Variants in MLYCD observed in about 807,000 individuals in gnomAD.
MLYCD encodes the protein malonyl-CoA decarboxylase.
MLYCD carries 27 observed loss-of-function variants against 35.8 expected under a neutral mutation model. That is an observed-to-expected ratio of 0.75 (90% CI 0.56 to 1.04). The LOEUF (loss-of-function observed/expected upper bound fraction) is 1.04, where lower values mean the gene tolerates loss of function less well. Ranked by LOEUF, MLYCD falls within the 50% of genes least tolerant of loss-of-function variation. The probability of loss-of-function intolerance (pLI) is 0.00; values close to 1 mark genes in which losing one functional copy is unlikely to be tolerated. For missense variants in MLYCD, 917 were observed against 665.1 expected (o/e 1.38, Z -4.17); for synonymous variants, 403 against 302.4 (o/e 1.33, Z -3.45).
chr16:83,916,310 G>A lies in MLYCD; in HGVS notation c.*821G>A. Reference sequence around the variant, plus strand: ...GTGTTGGATGAGAACAAAGGTGAAGGAAGGGGCAGTCATTGTGCTTGTGGG... The same window carrying A: ...GTGTTGGATGAGAACAAAGGTGAAGAAAGGGGCAGTCATTGTGCTTGTGGG... On this transcript the variant is annotated 3_prime_UTR_variant, in exon 5 of 5. Transcript: ENST00000262430. 2 of 506,272 alleles carry A rather than the reference G, an allele frequency of 4.0e-6. No individual in the cohort carries two copies. The highest frequency in any genetic ancestry group is 5.1e-6 in the Non-Finnish European group (2 of 390,556). The allele number at this position is 506,272 out of a possible 1,614,324, so 31.4% of individuals were successfully genotyped here. A position where few individuals can be genotyped will look rare whatever the true frequency, so the allele number is the denominator to read the frequency against.
chr16:83,903,978 A>T (rs1364714892), intron 1 of MLYCD, among the ~76,000 whole-genome samples: 2 of 152,180 alleles, frequency 1.3e-5, no homozygotes, highest in South Asian at 4.1e-4. Context: ...TCCCAGCCTG[A>T]ACAGCTGCTG....
intron 3 of MLYCD, among the ~76,000 whole-genome samples, chr16:83,911,010 C>T (rs1009404350): frequency 1.3e-5 from 2 of 152,162 alleles, no homozygotes; most frequent in Non-Finnish European, 2.9e-5. Context: ...CGGAGTCTCG[C>T]TCTGTGCCCA....
rs544993421 is a variant in MLYCD, at chr16:83,900,977, TATTAGA to T, written c.528+1307_528+1312del. Among the ~76,000 whole-genome samples the T allele has an allele frequency of 7.9e-4, 121 of 152,336 alleles. 2 individuals are homozygous for T. The highest frequency in any genetic ancestry group is 3.4e-3 in the Middle Eastern group (1 of 294). ...ACTGTCTTACCGTTAATCAGATGTT[TATTAGA>T]AACTTTCTTTTTTGGCTACTTAGAT... On this transcript the variant is annotated intron_variant, in intron 1 of 4. Transcript: ENST00000262430.
Position 83,914,650 on chromosome 16 carries a change from G to A in MLYCD, c.949-306G>A, listed in dbSNP as rs141716370. 3,273 of 424,822 alleles carry A rather than the reference G, an allele frequency of 7.7e-3. 22 individuals carry two copies. Among genetic ancestry groups the A allele is most frequent in the Middle Eastern group, 0.011 (15 of 1,394 alleles). The allele number at this position is 424,822 out of a possible 1,614,324, so 26.3% of individuals were successfully genotyped here. ...TATTTCCTGCTGGGTGTGGCGGCGC[G>A]AGCCTGTGGTCCCAGCTACTCAGCA... is the stretch of plus-strand genomic sequence containing the variant. On this transcript the variant is annotated intron_variant, in intron 4 of 4. Transcript: ENST00000262430.
In MLYCD at chr16:83,902,131, A is replaced by ATATGTG. The variant is rs1555537754; in HGVS notation, c.528+2460_528+2461insATGTGT. ...TATACACATATATATGTATGTGTAT[A>ATATGTG]TGTGTGTGTGTGTGTGTGCGTGCGT... is the stretch of plus-strand genomic sequence containing the variant. On this transcript the variant is annotated intron_variant, in intron 1 of 4. Coordinates refer to ENST00000262430, the MANE Select transcript of MLYCD (RefSeq NM_012213.3). Among the ~76,000 whole-genome samples, 57 of 126,656 alleles carry ATATGTG rather than the reference A, an allele frequency of 4.5e-4. 2 individuals are homozygous for ATATGTG. Among genetic ancestry groups the ATATGTG allele is most frequent in the African/African-American group, 1.3e-3 (44 of 33,424 alleles). The allele number at this position is 126,656 out of a possible 152,430, so 83.1% of individuals were successfully genotyped here. A position where few individuals can be genotyped will look rare whatever the true frequency, so the allele number is the denominator to read the frequency against.
intron 2 of MLYCD, among the ~76,000 whole-genome samples, chr16:83,907,393 C>G (rs1907018205): frequency 6.6e-6 from 1 of 152,126 alleles, no homozygotes; most frequent in African/African-American, 2.4e-5. Context: ...TTCGCTCGTC[C>G]CAAGACCCCG....
chr16:83,900,213 C>G (rs754622305), intron 1 of MLYCD, among the ~76,000 whole-genome samples: 4 of 152,126 alleles, frequency 2.6e-5, no homozygotes, highest in Non-Finnish European at 5.9e-5. Flanking sequence ...TGTCTGTGCT[C>G]CATGACTTTT....
chr16:83,915,646 C>T lies in MLYCD; in HGVS notation c.*157C>T. On this transcript the variant is annotated 3_prime_UTR_variant, in exon 5 of 5. Coordinates refer to ENST00000262430, the MANE Select transcript of MLYCD (RefSeq NM_012213.3). ...TCCACACTGTGAGGCCAGGCCTCAA[C>T]TTCCCTCACCCTGGGCGTGACATGC... 6.6e-7 allele frequency: 1 copy of T among 1,512,108 alleles called. No homozygotes were observed. The highest frequency in any genetic ancestry group is 8.8e-7 in the Non-Finnish European group (1 of 1,133,802). The allele number at this position is 1,512,108 out of a possible 1,614,324, so 93.7% of individuals were successfully genotyped here. A position where few individuals can be genotyped will look rare whatever the true frequency, so the allele number is the denominator to read the frequency against.
At position 83,922,504 on chromosome 16, in the gene MLYCD, C is replaced by G. The variant is rs1288206510; in HGVS notation, c.*7015C>G. The G allele has an allele frequency of 6.6e-6, 1 of 152,258 alleles. No individual in the cohort carries two copies. The highest frequency in any genetic ancestry group is 2.4e-5 in the African/African-American group (1 of 41,454). 9.4% of individuals were successfully genotyped at this position (152,258 alleles called of 1,614,324 possible). A position where few individuals can be genotyped will look rare whatever the true frequency, so the allele number is the denominator to read the frequency against. ...GAGGCACCATGGAGGGAGCTGTAGA[C>G]TTTGGCTCCGGCCAGTGCCCAGTTC... On this transcript the variant is annotated 3_prime_UTR_variant, in exon 5 of 5. Coordinates refer to ENST00000262430, the MANE Select transcript of MLYCD (RefSeq NM_012213.3).
In MLYCD at chr16:83,922,441, C is replaced by T. The variant is rs190856995; in HGVS notation, c.*6952C>T. 6.6e-6 allele frequency: 1 copy of T among 152,320 alleles called. No homozygotes were observed. Among genetic ancestry groups the T allele is most frequent in the African/African-American group, 2.4e-5 (1 of 41,442 alleles). 9.4% of individuals were successfully genotyped at this position (152,320 alleles called of 1,614,324 possible). ...TGGAGTTGGGGTGCACCTGCTCTCA[C>T]CTGTTCATGGGCTCCTTTTTCTTCT... is the stretch of plus-strand genomic sequence containing the variant. On this transcript the variant is annotated 3_prime_UTR_variant, in exon 5 of 5. Transcript: ENST00000262430.
In MLYCD at chr16:83,906,986, G is replaced by T; in HGVS notation, c.529-1G>T. On this transcript the variant is annotated splice_acceptor_variant, in intron 1 of 4. Coordinates refer to ENST00000262430, the MANE Select transcript of MLYCD (RefSeq NM_012213.3). LOFTEE classifies it high-confidence loss of function. ...CCTGGGATTTATCTTCTCCTTTTCA[G>T]GAAATGAATGGGGTGCTGAAAGGAA... The T allele has an allele frequency of 6.2e-7, 1 of 1,613,630 alleles. No homozygotes were observed. The highest frequency in any genetic ancestry group is 8.5e-7 in the Non-Finnish European group (1 of 1,179,604).
rs752955481 is a variant in MLYCD, at chr16:83,915,352, G to A, written c.1345G>A (p.Gly449Ser). 102 of 1,613,620 alleles carry A rather than the reference G, an allele frequency of 6.3e-5. No individual in the cohort carries two copies. Among genetic ancestry groups the A allele is most frequent in the Admixed American group, 1.0e-4 (6 of 60,010 alleles). The change falls in exon 5 of 5, where the codon GGC becomes AGC. Residue 449 changes from glycine (G) to serine (S), a missense_variant. Physicochemically the swap from Gly to Ser is moderately conservative, Grantham distance 56 (BLOSUM62 0). Transcript: ENST00000262430. ...CCTCAGAGGCATCACCGGCTCCTGC[G>A]GCCTGATGGCCAACTACCGCTACTT... ...VSLRGITGSC[G>S]LMANYRYFLE...
chr16:83,920,099 A>AGTT lies in MLYCD; in HGVS notation c.*4610_*4611insGTT, dbSNP rs1907602242. The AGTT allele has an allele frequency of 1.3e-5, 2 of 152,030 alleles. No homozygotes were observed. Among genetic ancestry groups the AGTT allele is most frequent in the East Asian group, 3.9e-4 (2 of 5,156 alleles). 9.4% of individuals were successfully genotyped at this position (152,030 alleles called of 1,614,324 possible). A position where few individuals can be genotyped will look rare whatever the true frequency, so the allele number is the denominator to read the frequency against. On this transcript the variant is annotated 3_prime_UTR_variant, in exon 5 of 5. Transcript: ENST00000262430. ...GAGTGCACAGAACACAGTCCACAGG[A>AGTT]CAGCACACGGTACACAGCAGAACAC... is the stretch of plus-strand genomic sequence containing the variant.
rs1907488162 is a variant in MLYCD at position 83,917,996 on chromosome 16, C to T, written c.*2507C>T. The T allele has an allele frequency of 6.6e-6, 1 of 152,214 alleles. No individual in the cohort carries two copies. The highest frequency in any genetic ancestry group is 1.5e-5 in the Non-Finnish European group (1 of 68,050). The allele number at this position is 152,214 out of a possible 1,614,324, so 9.4% of individuals were successfully genotyped here. ...GACATCTGCCGAGGCTTTGGCTCACCAGAGGAGTTTGTAGATGTCAGTCAT... is the reference window on the plus strand; with the variant it reads ...GACATCTGCCGAGGCTTTGGCTCACTAGAGGAGTTTGTAGATGTCAGTCAT... On this transcript the variant is annotated 3_prime_UTR_variant, in exon 5 of 5. Coordinates refer to ENST00000262430, the MANE Select transcript of MLYCD (RefSeq NM_012213.3).
Position 83,915,200 on chromosome 16 carries a change from T to C in MLYCD, c.1193T>C (p.Leu398Pro), listed in dbSNP as rs779026116. The change falls in exon 5 of 5, where the codon CTG becomes CCG. Residue 398 changes from leucine (L) to proline (P), a missense_variant. Transcript: ENST00000262430. Reference protein sequence around the residue: ...EKLVRALQTPLMRLCAWYLYG... With the variant: ...EKLVRALQTPPMRLCAWYLYG... Reference sequence around the variant, plus strand: ...CTGGTGCGGGCGCTGCAGACTCCGCTGATGAGGCTGTGCGCCTGGTACCTG... The same window carrying C: ...CTGGTGCGGGCGCTGCAGACTCCGCCGATGAGGCTGTGCGCCTGGTACCTG... The C allele has an allele frequency of 3.7e-6, 6 of 1,613,944 alleles. No individual in the cohort carries two copies. In the African/African-American group the frequency reaches 6.7e-5, roughly 18 times the overall value.
Position 83,925,012 on chromosome 16 carries a change from C to G in MLYCD, c.*9523C>G. 1 of 152,322 alleles carries G rather than the reference C, an allele frequency of 6.6e-6. No individual in the cohort carries two copies. The highest frequency in any genetic ancestry group is 1.9e-4 in the East Asian group (1 of 5,202). The allele number at this position is 152,322 out of a possible 1,614,324, so 9.4% of individuals were successfully genotyped here. A position where few individuals can be genotyped will look rare whatever the true frequency, so the allele number is the denominator to read the frequency against. On this transcript the variant is annotated 3_prime_UTR_variant, in exon 5 of 5. Coordinates refer to ENST00000262430, the MANE Select transcript of MLYCD (RefSeq NM_012213.3). ...CCCCCATCCGTGTCTCTGCTGTCTC[C>G]TAACTACCGATAGCAAGGGCACTAG...
In MLYCD at chr16:83,915,735, G is replaced by A. The variant is rs1015199708; in HGVS notation, c.*246G>A. On this transcript the variant is annotated 3_prime_UTR_variant, in exon 5 of 5. Coordinates refer to ENST00000262430, the MANE Select transcript of MLYCD (RefSeq NM_012213.3). ...ATGAGTGGGTTGCTGTGCTGTCTCCGGAAGATTCTGTCGTTGCCCTTGGCC... is the reference window on the plus strand; with the variant it reads ...ATGAGTGGGTTGCTGTGCTGTCTCCAGAAGATTCTGTCGTTGCCCTTGGCC... The A allele has an allele frequency of 2.4e-5, 33 of 1,388,332 alleles. No homozygotes were observed. Among genetic ancestry groups the A allele is most frequent in the Middle Eastern group, 5.5e-4 (2 of 3,620 alleles). 86.0% of individuals were successfully genotyped at this position (1,388,332 alleles called of 1,614,324 possible).
In MLYCD at chr16:83,901,941, G is replaced by A. The variant is rs148249601; in HGVS notation, c.528+2269G>A. 7.2e-5 allele frequency among the ~76,000 whole-genome samples: 11 copies of A among 152,154 alleles called. No homozygotes were observed. The East Asian group carries it at 2.1e-3, about 29-fold the overall frequency. ...AGTCTGATCTTTGCCTCTGCATATG[G>A]TTTGGACATAATGGCTTCAGGAGCC... On this transcript the variant is annotated intron_variant, in intron 1 of 4. Coordinates refer to ENST00000262430, the MANE Select transcript of MLYCD (RefSeq NM_012213.3).
Position 83,920,379 on chromosome 16 carries a change from G to C in MLYCD, c.*4890G>C, listed in dbSNP as rs1907611265. On this transcript the variant is annotated 3_prime_UTR_variant, in exon 5 of 5. Coordinates refer to ENST00000262430, the MANE Select transcript of MLYCD (RefSeq NM_012213.3). ...CTGAGGTCGCTGCCTGTGAACAGTT[G>C]ACAGACCTAAAGCCAGCCAGAATGT... 6.6e-6 allele frequency: 1 copy of C among 152,188 alleles called. No individual in the cohort carries two copies. Among genetic ancestry groups the C allele is most frequent in the Non-Finnish European group, 1.5e-5 (1 of 68,048 alleles). The allele number at this position is 152,188 out of a possible 1,614,324, so 9.4% of individuals were successfully genotyped here.
Sources: gnomAD v4.1 joint callset for allele counts (sites outside exome capture counted in the v4.1 genomes callset) on GRCh38, gnomAD v4.1.1 for gene constraint, MANE v1.5 for transcripts, NCBI Gene and HGNC (gene_info 2026-07-23, HGNC 2026-07-21) for gene names.